Variants in ACTC1 observed in about 807,000 individuals in gnomAD.
The protein encoded by ACTC1 is actin, alpha cardiac muscle 1.
A neutral mutation model predicts 31.6 loss-of-function variants in ACTC1; 10 were observed. That is an observed-to-expected ratio of 0.32 (90% CI 0.19 to 0.54). ACTC1 has a LOEUF of 0.54. Ranked by LOEUF, ACTC1 falls within the 20% of genes least tolerant of loss-of-function variation. The pLI is 0.95. For missense variants in ACTC1, 129 were observed against 506.4 expected (o/e 0.25, Z 7.15); for synonymous variants, 196 against 185.0 (o/e 1.06, Z -0.48).
rs1405293135 is a variant in ACTC1 at position 34,793,318 on chromosome 15, C to T, written c.381G>A (p.Glu127=). The part of the protein sequence containing the change: ...NREKMTQIMF[E]TFNVPAMYVA... The stretch of plus-strand genomic sequence containing the variant: ...CGTACATGGCAGGGACATTGAAGGT[C>T]TCAAACATGATCTGAGTCATCTTCT... Residue 127 remains glutamate (E), a synonymous_variant, in exon 3 of 7, where the codon GAG becomes GAA. Coordinates refer to ENST00000290378, the MANE Select transcript of ACTC1 (RefSeq NM_005159.5). This position sits in a 1 kb window ranked among gnomAD's most constrained non-coding sequence, Gnocchi z 4.8. 1.2e-6 allele frequency: 2 copies of T among 1,614,180 alleles called. No individual in the cohort carries two copies. The highest frequency in any genetic ancestry group is 1.3e-5 in the African/African-American group (1 of 75,046).
Position 34,792,597 on chromosome 15 carries a change from G to GT in ACTC1, c.455-29dup. The GT allele has an allele frequency of 6.2e-7, 1 of 1,613,922 alleles. No homozygotes were observed. Among genetic ancestry groups the GT allele is most frequent in the Non-Finnish European group, 8.5e-7 (1 of 1,179,862 alleles). On this transcript the variant is annotated intron_variant, in intron 3 of 6. Coordinates refer to ENST00000290378, the MANE Select transcript of ACTC1 (RefSeq NM_005159.5). This position sits in a 1 kb window ranked among gnomAD's most constrained non-coding sequence, Gnocchi z 5.3. Reference sequence around the variant, plus strand: ...GCCCGGGGAAGTAGACAAGAACAAGGTAAATTCCTGAGGACAACACCACTG... The same window carrying GT: ...GCCCGGGGAAGTAGACAAGAACAAGGTTAAATTCCTGAGGACAACACCACTG...
rs971534331 is a variant in ACTC1 at position 34,794,892 on chromosome 15, C to T, written c.-22-62G>A. ...CTGCCTGTGCAGCTGGCCTTCTCCG[C>T]ACCCAGAGGACAGGACAGAGCAGAA... On this transcript the variant is annotated intron_variant, in intron 1 of 6. Transcript: ENST00000290378. The T allele has an allele frequency of 1.9e-6, 3 of 1,552,466 alleles. No individual in the cohort carries two copies. In the Admixed American group the frequency reaches 5.2e-5, roughly 27 times the overall value.
At position 34,792,668 on chromosome 15, in the gene ACTC1, T is replaced by A; in HGVS notation, c.455-99A>T. The A allele has an allele frequency of 1.6e-6, 2 of 1,264,410 alleles. No homozygotes were observed. Among genetic ancestry groups the A allele is most frequent in the Non-Finnish European group, 2.3e-6 (2 of 870,046 alleles). The allele number at this position is 1,264,410 out of a possible 1,614,324, so 78.3% of individuals were successfully genotyped here. ...GCTTCCAATCTTGGCTAAGAGATGC[T>A]AGCAATGGGCATTGATCCAGATAAA... On this transcript the variant is annotated intron_variant, in intron 3 of 6. Coordinates refer to ENST00000290378, the MANE Select transcript of ACTC1 (RefSeq NM_005159.5). This position sits in a 1 kb window ranked among gnomAD's most constrained non-coding sequence, Gnocchi z 5.3.
Position 34,792,003 on chromosome 15 carries a change from G to A in ACTC1, c.808+87C>T, listed in dbSNP as rs1417091070. The A allele has an allele frequency of 5.6e-6, 8 of 1,437,278 alleles. No individual in the cohort carries two copies. The highest frequency in any genetic ancestry group is 7.8e-6 in the Non-Finnish European group (8 of 1,028,906). 89.0% of individuals were successfully genotyped at this position (1,437,278 alleles called of 1,614,324 possible). A position where few individuals can be genotyped will look rare whatever the true frequency, so the allele number is the denominator to read the frequency against. On this transcript the variant is annotated intron_variant, in intron 5 of 6. Coordinates refer to ENST00000290378, the MANE Select transcript of ACTC1 (RefSeq NM_005159.5). The surrounding 1 kb of genome is among the most constrained non-coding windows in gnomAD (Gnocchi z 5.3). Reference sequence around the variant, plus strand: ...AAACTATGACTTCTTTTAACTCAAGGGCTTCTTGAGCCTTCTAGATTTTAC... The same window carrying A: ...AAACTATGACTTCTTTTAACTCAAGAGCTTCTTGAGCCTTCTAGATTTTAC...
At position 34,791,142 on chromosome 15, in the gene ACTC1, G is replaced by C; in HGVS notation, c.962C>G (p.Ala321Gly). The C allele has an allele frequency of 6.2e-7, 1 of 1,608,272 alleles. No homozygotes were observed. Residue 321 changes from alanine to glycine, a missense_variant, in exon 6 of 7, where the codon GCT becomes GGT. By Grantham distance (60) the Ala-to-Gly change is moderately conservative. This residue lies in a region of ACTC1 where 44 missense variants were observed against 127.4 expected (regional missense o/e 0.35). Transcript: ENST00000290378. ...AATCTTCATGGTGCTAGGAGCCAGA[G>C]CAGTGATTTCCTTCTGCATACGATC... ...IADRMQKEIT[A>G]LAPSTMKIKI... is the part of the protein sequence containing the mutation.
chr15:34,791,406 G>C (rs1038835043), intron 5 of ACTC1, 111 bp from the exon 6 acceptor site: 1 of 1,415,104 alleles, frequency 7.1e-7, no homozygotes, highest in Admixed American at 1.8e-5. Flanking sequence ...TTCTTTGTGT[G>C]GGGGAGCTGT....
At chr15:34,794,922 G>A (rs1213284263) in intron 1 of ACTC1, 92 bp from the exon 2 acceptor site, 4 of 964,668 alleles carry the variant, frequency 4.1e-6, no homozygotes, top group East Asian at 7.1e-5. Context: ...GCAGAAGGGG[G>A]TTGTGGGGAC....
At position 34,792,894 on chromosome 15, in the gene ACTC1, T is replaced by C; in HGVS notation, c.455-325A>G. The C allele has an allele frequency of 4.0e-6, 2 of 504,872 alleles. No homozygotes were observed. The highest frequency in any genetic ancestry group is 4.2e-5 in the South Asian group (2 of 47,190). 31.3% of individuals were successfully genotyped at this position (504,872 alleles called of 1,614,324 possible). A position where few individuals can be genotyped will look rare whatever the true frequency, so the allele number is the denominator to read the frequency against. On this transcript the variant is annotated intron_variant, in intron 3 of 6. Transcript: ENST00000290378. The surrounding 1 kb of genome is among the most constrained non-coding windows in gnomAD (Gnocchi z 5.3). Reference sequence around the variant, plus strand: ...TTTGCTCCTATTGAACTTACACGTTTCTCTCTCTTTTGACTCAGACCCTGT... The same window carrying C: ...TTTGCTCCTATTGAACTTACACGTTCCTCTCTCTTTTGACTCAGACCCTGT...
chr15:34,793,603 C>G lies in ACTC1; in HGVS notation c.130-34G>C, dbSNP rs1475304248. 6.3e-6 allele frequency: 10 copies of G among 1,588,978 alleles called. No individual in the cohort carries two copies. Among genetic ancestry groups the G allele is most frequent in the Non-Finnish European group, 8.6e-6 (10 of 1,158,428 alleles). On this transcript the variant is annotated intron_variant, in intron 2 of 6. Transcript: ENST00000290378. This position sits in a 1 kb window ranked among gnomAD's most constrained non-coding sequence, Gnocchi z 4.8. Reference sequence around the variant, plus strand: ...AGAAAAAATGAGAAAATCATGCTCTCACCATGTCAGGAATATAATCAGTGT... The same window carrying G: ...AGAAAAAATGAGAAAATCATGCTCTGACCATGTCAGGAATATAATCAGTGT...
At position 34,795,294 on chromosome 15, in the gene ACTC1, G is replaced by A. The variant is rs568392345; in HGVS notation, c.-23+212C>T. On this transcript the variant is annotated intron_variant, in intron 1 of 6. Transcript: ENST00000290378. ...CTTCTTAGAGCCCCTGCGAGGTCCT[G>A]CGAGGACCAACGCCCAGGACAAAAC... 2.8e-4 allele frequency among the ~76,000 whole-genome samples: 43 copies of A among 151,778 alleles called. No individual in the cohort carries two copies. In the East Asian group the frequency reaches 7.6e-3, roughly 27 times the overall value.
intron 5 of ACTC1, 162 bp downstream of exon 5, chr15:34,791,928 T>C (rs1334719735): frequency 1.5e-5 from 10 of 686,746 alleles, no homozygotes. Flanking sequence ...GAACATAGAC[T>C]TCCCCTTTAA....
chr15:34,791,981 C>G, intron 5 of ACTC1, 109 bp downstream of exon 5: 1 of 1,230,504 alleles, frequency 8.1e-7, no homozygotes, highest in Non-Finnish European at 1.2e-6. Flanking sequence ...GGAATCCAAA[C>G]TATGACTTCT....
At chr15:34,791,345 A>AT in intron 5 of ACTC1, 50 bp from the exon 6 acceptor site, 1 of 1,296,188 alleles carries the variant, frequency 7.7e-7, no homozygotes, top group African/African-American at 1.4e-5. Flanking sequence ...ACACACACAC[A>AT]CACACACATC....
At chr15:34,790,611 A>C (rs903615869) in intron 6 of ACTC1, 56 bp from the exon 7 acceptor site, 2 of 1,601,312 alleles carry the variant, frequency 1.2e-6, no homozygotes, top group Admixed American at 3.3e-5. Flanking sequence ...GCAAGGGAGC[A>C]AATAACACAT....
rs141451626 is a variant in ACTC1 at position 34,794,950 on chromosome 15, G to A, written c.-22-120C>T. On this transcript the variant is annotated intron_variant, in intron 1 of 6. Coordinates refer to ENST00000290378, the MANE Select transcript of ACTC1 (RefSeq NM_005159.5). ...GTGGGGACTGGACAGGGGGTTGGGCGGGGAACACTCCTGCCACCTCCCTTC... is the reference window on the plus strand; with the variant it reads ...GTGGGGACTGGACAGGGGGTTGGGCAGGGAACACTCCTGCCACCTCCCTTC... 2,377 of 917,790 alleles carry A rather than the reference G, an allele frequency of 2.6e-3. 102 individuals are homozygous for A. The highest frequency in any genetic ancestry group is 0.02 in the Middle Eastern group (55 of 2,762). The allele number at this position is 917,790 out of a possible 1,614,324, so 56.9% of individuals were successfully genotyped here.
intron 6 of ACTC1, among the ~76,000 whole-genome samples, chr15:34,790,765 T>C (rs1045622822): frequency 6.6e-6 from 1 of 152,240 alleles, no homozygotes; most frequent in Admixed American, 6.5e-5. Context: ...ATTCTATTAT[T>C]AAAATGGAAT....
In ACTC1 at chr15:34,793,712, TAGA is replaced by T; in HGVS notation, c.130-146_130-144del. 2.0e-5 allele frequency: 15 copies of T among 766,242 alleles called. No homozygotes were observed. The highest frequency in any genetic ancestry group is 6.5e-6 in the Non-Finnish European group (3 of 463,994). 47.5% of individuals were successfully genotyped at this position (766,242 alleles called of 1,614,324 possible). On this transcript the variant is annotated intron_variant, in intron 2 of 6. Coordinates refer to ENST00000290378, the MANE Select transcript of ACTC1 (RefSeq NM_005159.5). The surrounding 1 kb of genome is among the most constrained non-coding windows in gnomAD (Gnocchi z 4.8). ...CAAGCAATACGATTTTACCCCAATT[TAGA>T]AGAATTATTTAAAAATCAATCTTCT...
chr15:34,794,631 T>C, intron 2 of ACTC1, 49 bp downstream of exon 2: 1 of 1,591,228 alleles, frequency 6.3e-7, no homozygotes, highest in Non-Finnish European at 8.6e-7. Flanking sequence ...CCTAGATCGC[T>C]GGACTGAAGG....
At position 34,793,705 on chromosome 15, in the gene ACTC1, C is replaced by T; in HGVS notation, c.130-136G>A. Reference sequence around the variant, plus strand: ...GAAATAACAAGCAATACGATTTTACCCCAATTTAGAAGAATTATTTAAAAA... The same window carrying T: ...GAAATAACAAGCAATACGATTTTACTCCAATTTAGAAGAATTATTTAAAAA... On this transcript the variant is annotated intron_variant, in intron 2 of 6. Coordinates refer to ENST00000290378, the MANE Select transcript of ACTC1 (RefSeq NM_005159.5). The surrounding 1 kb of genome is among the most constrained non-coding windows in gnomAD (Gnocchi z 4.8). 2.5e-6 allele frequency: 2 copies of T among 808,322 alleles called. No individual in the cohort carries two copies. Among genetic ancestry groups the T allele is most frequent in the Non-Finnish European group, 4.0e-6 (2 of 497,324 alleles). 50.1% of individuals were successfully genotyped at this position (808,322 alleles called of 1,614,324 possible).
Sources: gnomAD v4.1 joint callset for allele counts (sites outside exome capture counted in the v4.1 genomes callset) on GRCh38, gnomAD v4.1.1 for gene constraint, gnomAD v4.1.1 regional missense constraint, Gnocchi (gnomAD v3.1) non-coding constraint, MANE v1.5 for transcripts, NCBI Gene and HGNC (gene_info 2026-07-23, HGNC 2026-07-21) for gene names.